Variants in DMD observed in about 807,000 individuals in gnomAD.
The protein encoded by DMD is mutant dystrophin.
A neutral mutation model predicts 330.1 loss-of-function variants in DMD; 63 were observed. That is an observed-to-expected ratio of 0.19 (90% CI 0.16 to 0.24). DMD has a LOEUF of 0.24. Ranked by LOEUF, DMD falls within the 10% of genes least tolerant of loss-of-function variation. The pLI is 1.00. For missense variants in DMD, 3,344 were observed against 2,684.1 expected (o/e 1.25, Z -5.43); for synonymous variants, 1,223 against 959.8 (o/e 1.27, Z -5.07).
chrX:32,857,478 G>T (rs1306641106), intron 2 of DMD, among the ~76,000 whole-genome samples: 2 of 111,570 alleles, frequency 1.8e-5, no homozygotes, highest in African/African-American at 6.5e-5. Context: ...CCCTCCTTTG[G>T]CCAGGAGCAA....
chrX:31,350,630 T>TGAGAGA (rs1332478029), intron 60 of DMD, among the ~76,000 whole-genome samples: 5 of 47,470 alleles, frequency 1.1e-4, no homozygotes, highest in African/African-American at 2.8e-4. Context: ...TGTGTGTGTG[T>TGAGAGA]GTGAGAGAGA....
intron 6 of DMD, among the ~76,000 whole-genome samples, chrX:32,813,820 T>A (rs1256901652): frequency 9.0e-6 from 1 of 111,519 alleles, no homozygotes; most frequent in Non-Finnish European, 1.9e-5. Flanking sequence ...TTGGTAAAAA[T>A]TTAAAATGAG....
At chrX:32,011,446 C>T (rs1190613083) in intron 44 of DMD, among the ~76,000 whole-genome samples, 1 of 111,989 alleles carries the variant, frequency 8.9e-6, no homozygotes, top group Admixed American at 9.5e-5. Context: ...ACTACATTTC[C>T]CAGACTCATA....
At chrX:32,966,541 T>C (rs2092163732) in intron 2 of DMD, among the ~76,000 whole-genome samples, 1 of 111,835 alleles carries the variant, frequency 8.9e-6, no homozygotes, top group Admixed American at 9.6e-5. Context: ...ATGCCTCCTT[T>C]ATAACAGAGA....
At chrX:33,155,472 C>T (rs2048466250) in intron 1 of DMD, among the ~76,000 whole-genome samples, 1 of 110,442 alleles carries the variant, frequency 9.1e-6, no homozygotes, top group African/African-American at 3.3e-5. Context: ...CCCGCCACCA[C>T]ACCCAGCTAA....
intron 44 of DMD, among the ~76,000 whole-genome samples, chrX:32,096,476 G>A (rs1454129463): frequency 1.8e-5 from 2 of 110,776 alleles, no homozygotes; most frequent in Admixed American, 1.9e-4. Flanking sequence ...AACAAAAAAC[G>A]GGAGGCCATG....
intron 1 of DMD, among the ~76,000 whole-genome samples, chrX:33,057,837 T>C (rs771332035): frequency 8.9e-6 from 1 of 112,089 alleles, no homozygotes; most frequent in East Asian, 2.8e-4. Flanking sequence ...TTTATTACTA[T>C]ATAATATTCC....
At chrX:31,327,227 G>A (rs2056845348) in intron 61 of DMD, among the ~76,000 whole-genome samples, 1 of 111,974 alleles carries the variant, frequency 8.9e-6, no homozygotes. Context: ...TTTATTTATT[G>A]CAAAACCAAC....
intron 1 of DMD, among the ~76,000 whole-genome samples, chrX:33,246,104 G>A (rs987947558): frequency 1.8e-5 from 2 of 112,058 alleles, no homozygotes; most frequent in South Asian, 3.6e-4. Context: ...TTTTAAATAC[G>A]TACATTACAT....
chrX:32,722,057 T>C (rs895066848), intron 7 of DMD, among the ~76,000 whole-genome samples: 2 of 110,667 alleles, frequency 1.8e-5, no homozygotes, highest in Admixed American at 9.7e-5. Flanking sequence ...TTTAATACTG[T>C]AGATTTATGA....
intron 55 of DMD, among the ~76,000 whole-genome samples, chrX:31,620,383 A>T (rs1163637512): frequency 1.8e-5 from 2 of 110,090 alleles, no homozygotes. Context: ...TGGATACATT[A>T]TGCAAAGACT....
chrX:32,088,344 T>C (rs1302910182), intron 44 of DMD, among the ~76,000 whole-genome samples: 1 of 110,345 alleles, frequency 9.1e-6, no homozygotes, highest in Non-Finnish European at 1.9e-5. Flanking sequence ...TTCGAGGTCA[T>C]TTGTTCAAGG....
intron 44 of DMD, among the ~76,000 whole-genome samples, chrX:32,164,166 G>A (rs1405776831): frequency 9.0e-6 from 1 of 111,384 alleles, no homozygotes; most frequent in Non-Finnish European, 1.9e-5. Flanking sequence ...GAGCGCAGGA[G>A]TTAAGACCAG....
intron 71 of DMD, among the ~76,000 whole-genome samples, chrX:31,176,904 C>T (rs1033688590): frequency 1.8e-5 from 2 of 111,095 alleles, no homozygotes; most frequent in African/African-American, 6.5e-5. Flanking sequence ...TAATAATATG[C>T]ATTTATCACG....
At chrX:33,245,863 C>A (rs899409997) in intron 1 of DMD, among the ~76,000 whole-genome samples, 3 of 111,571 alleles carry the variant, frequency 2.7e-5, no homozygotes, top group Non-Finnish European at 5.6e-5. Context: ...ATGTTGTACC[C>A]AAAACCTAAT....
intron 53 of DMD, among the ~76,000 whole-genome samples, chrX:31,675,909 CA>C (rs1317870618): frequency 8.9e-6 from 1 of 112,264 alleles, no homozygotes; most frequent in African/African-American, 3.2e-5. Flanking sequence ...TAAAGATTAG[CA>C]ATTATGAATC....
At chrX:31,231,549 CTT>C (rs1369515924) in intron 63 of DMD, among the ~76,000 whole-genome samples, 1 of 112,272 alleles carries the variant, frequency 8.9e-6, no homozygotes, top group African/African-American at 3.2e-5. Flanking sequence ...CCTTTATTGA[CTT>C]TGCAGTGTAG....
chrX:32,622,631 T>C (rs1451934165), intron 11 of DMD, among the ~76,000 whole-genome samples: 1 of 111,953 alleles, frequency 8.9e-6, no homozygotes, highest in African/African-American at 3.2e-5. Flanking sequence ...CGCATCCAAT[T>C]ATACTTCATA....
chrX:31,286,970 G>T (rs1449496087), intron 62 of DMD, among the ~76,000 whole-genome samples: 2 of 112,306 alleles, frequency 1.8e-5, no homozygotes, highest in Admixed American at 9.4e-5. Flanking sequence ...TCGCCATGTT[G>T]GCCAGGCTGG....
Sources: gnomAD v4.1 joint callset for allele counts (sites outside exome capture counted in the v4.1 genomes callset) on GRCh38, gnomAD v4.1.1 for gene constraint, MANE v1.5 for transcripts, NCBI Gene and HGNC (gene_info 2026-07-23, HGNC 2026-07-21) for gene names.